Variants in CLDN16 observed in about 807,000 individuals in gnomAD.
CLDN16 encodes the protein claudin 16.
Under a neutral mutation model 24.6 loss-of-function variants are expected in CLDN16, and 13 were observed. The ratio of observed to expected loss-of-function variants is 0.53; its 90% CI spans 0.34 to 0.84. The LOEUF (loss-of-function observed/expected upper bound fraction) is 0.84. CLDN16 is among the 40% of genes least tolerant of loss of function. The probability of loss-of-function intolerance (pLI) is 0.01; values close to 1 mark genes in which losing one functional copy is unlikely to be tolerated. For synonymous variants in CLDN16, 116 were observed against 106.7 expected, an observed-to-expected ratio of 1.09 and a Z score of -0.54; for missense variants, 298 against 292.7, an observed-to-expected ratio of 1.02 and a Z score of -0.13.
At chr3:190,401,889 C>T (rs1378858507) in intron 1 of CLDN16, among the ~76,000 whole-genome samples, 1 of 151,506 alleles carries the variant, frequency 6.6e-6, no homozygotes, top group Non-Finnish European at 1.5e-5. Context: ...ACTCAGTATT[C>T]GTGATAAAGA....
In CLDN16 at chr3:190,388,255, A is replaced by G; in HGVS notation, c.-75A>G. 1.9e-6 allele frequency: 3 copies of G among 1,612,586 alleles called. No individual in the cohort carries two copies. In the South Asian group the frequency reaches 3.3e-5, roughly 18 times the overall value. Reference sequence around the variant, plus strand: ...TTGCCAGGTACCAGAAACACAGAAGACTGACACCCGCCACTTAAGTGGGGC... The same window carrying G: ...TTGCCAGGTACCAGAAACACAGAAGGCTGACACCCGCCACTTAAGTGGGGC... On this transcript the variant is annotated 5_prime_UTR_variant, in exon 1 of 5. Transcript: ENST00000264734.
chr3:190,332,136 C>A (rs1577397863), intron 1 of CLDN16, among the ~76,000 whole-genome samples: 1 of 152,106 alleles, frequency 6.6e-6, no homozygotes, highest in Non-Finnish European at 1.5e-5. Flanking sequence ...TATAACATAT[C>A]TCTGAGTTTG....
intron 1 of CLDN16, among the ~76,000 whole-genome samples, chr3:190,349,871 G>A (rs1487334051): frequency 2.0e-5 from 3 of 152,176 alleles, no homozygotes; most frequent in African/African-American, 7.2e-5. Context: ...CAGTCAAACT[G>A]CAGGTATATA....
At chr3:190,307,186 A>G in the CLDN16 span, 1 of 152,804 alleles carries the variant, frequency 6.5e-6, no homozygotes, top group South Asian at 2.1e-4. Context: ...TTACAGCTAC[A>G]GAGAGAATAT....
chr3:190,394,294 A>C (rs1718759689), intron 1 of CLDN16, among the ~76,000 whole-genome samples: 1 of 152,204 alleles, frequency 6.6e-6, no homozygotes, highest in African/African-American at 2.4e-5. Flanking sequence ...GTGTTTTCAC[A>C]AGAAGATTTC....
chr3:190,304,598 C>T, the CLDN16 span, among the ~76,000 whole-genome samples: 1 of 152,082 alleles, frequency 6.6e-6, no homozygotes, highest in Non-Finnish European at 1.5e-5. Context: ...CAAGCCATCC[C>T]CACATAACCC....
At chr3:190,308,216 A>G in the CLDN16 span, 1 of 1,578,020 alleles carries the variant, frequency 6.3e-7, no homozygotes, top group Non-Finnish European at 8.7e-7. Context: ...AATGTTAATG[A>G]TAGTATCTCA....
intron 2 of CLDN16, among the ~76,000 whole-genome samples, chr3:190,372,566 C>T (rs1462712721): frequency 6.6e-6 from 1 of 151,772 alleles, no homozygotes; most frequent in Non-Finnish European, 1.5e-5. Context: ...ATCAATTGAG[C>T]CTAAGAGTTT....
upstream of CLDN16, among the ~76,000 whole-genome samples, chr3:190,320,381 C>A (rs556015285): frequency 2.0e-5 from 3 of 152,084 alleles, no homozygotes; most frequent in Non-Finnish European, 2.9e-5. Flanking sequence ...TGCCTGACAC[C>A]GTTTCCTTAA....
chr3:190,373,392 A>G (rs533981753), intron 2 of CLDN16, among the ~76,000 whole-genome samples: 1 of 152,076 alleles, frequency 6.6e-6, no homozygotes, highest in South Asian at 2.1e-4. Context: ...CATTAATCAT[A>G]CAAGCTAAGA....
At chr3:190,398,412 C>T (rs1718874015) in intron 1 of CLDN16, among the ~76,000 whole-genome samples, 1 of 152,170 alleles carries the variant, frequency 6.6e-6, no homozygotes, top group Non-Finnish European at 1.5e-5. Flanking sequence ...TAGCTTTATC[C>T]CTCCAATGTC....
chr3:190,293,930 G>T, the CLDN16 span, among the ~76,000 whole-genome samples: 8 of 152,146 alleles, frequency 5.3e-5, no homozygotes, highest in Non-Finnish European at 1.2e-4. Context: ...ATTCCTATTA[G>T]ACATTTTAGT....
At chr3:190,408,673 A>G (rs1200091969) in intron 4 of CLDN16, among the ~76,000 whole-genome samples, 168 bp downstream of exon 4, 2 of 150,960 alleles carry the variant, frequency 1.3e-5, no homozygotes, top group Non-Finnish European at 3.0e-5. Flanking sequence ...CTCAAACATT[A>G]TTACCCAGTT....
chr3:190,409,605 G>T (rs1228996454), intron 4 of CLDN16, among the ~76,000 whole-genome samples: 1 of 151,416 alleles, frequency 6.6e-6, no homozygotes, highest in Non-Finnish European at 1.5e-5. Flanking sequence ...TCTTTTTAAA[G>T]AATTTAACAT....
At chr3:190,301,783 G>T in the CLDN16 span, among the ~76,000 whole-genome samples, 6 of 152,092 alleles carry the variant, frequency 3.9e-5, no homozygotes, top group African/African-American at 1.4e-4. Flanking sequence ...TCATCAAGCC[G>T]TCTCTTGCCT....
the CLDN16 span, chr3:190,310,150 T>C: frequency 6.2e-7 from 1 of 1,601,040 alleles, no homozygotes; most frequent in African/African-American, 1.3e-5. Flanking sequence ...CAAACTATTT[T>C]ACGCCTGAAT....
chr3:190,349,830 C>G (rs1437755080), intron 1 of CLDN16, among the ~76,000 whole-genome samples: 1 of 152,150 alleles, frequency 6.6e-6, no homozygotes, highest in Non-Finnish European at 1.5e-5. Context: ...AGCTGTGCTG[C>G]CCCAGGCAAG....
chr3:190,314,562 AT>A, the CLDN16 span, among the ~76,000 whole-genome samples: 38,790 of 143,590 alleles, frequency 0.27, 7,428 homozygotes, highest in African/African-American at 0.56. Context: ...GCCTGGCTAA[AT>A]TTTTTTTTTT....
At chr3:190,298,665 C>T in the CLDN16 span, among the ~76,000 whole-genome samples, 1 of 151,862 alleles carries the variant, frequency 6.6e-6, no homozygotes, top group African/African-American at 2.4e-5. Flanking sequence ...ATGTTTCTCC[C>T]GACCTCAGGT....
Sources: gnomAD v4.1 joint callset for allele counts (sites outside exome capture counted in the v4.1 genomes callset) on GRCh38, gnomAD v4.1.1 for gene constraint, MANE v1.5 for transcripts, NCBI Gene and HGNC (gene_info 2026-07-23, HGNC 2026-07-21) for gene names.